The following IQCM variants were observed in gnomAD, a reference collection of about 807,000 sequenced individuals.
The protein encoded by IQCM is IQ domain-containing protein M.
IQCM carries 45 observed loss-of-function variants against 57.6 expected under a neutral mutation model. The observed-to-expected ratio is 0.78, with a 90% CI of 0.62 to 1.00. The LOEUF (loss-of-function observed/expected upper bound fraction) is 1.00. IQCM is among the 50% of genes least tolerant of loss of function. IQCM has a pLI of 0.00. For missense variants in IQCM, 468 were observed against 511.6 expected (o/e 0.91, Z 0.82); for synonymous variants, 148 against 158.9 (o/e 0.93, Z 0.51).
intron 12 of IQCM, among the ~76,000 whole-genome samples, chr4:149,486,772 A>T (rs1741567815): frequency 6.6e-6 from 1 of 152,010 alleles, no homozygotes; most frequent in Non-Finnish European, 1.5e-5. Flanking sequence ...AAAAAGCCCA[A>T]GAGCTCTTTC....
At chr4:149,398,710 A>G (rs1732405415) in intron 13 of IQCM, among the ~76,000 whole-genome samples, 1 of 150,846 alleles carries the variant, frequency 6.6e-6, no homozygotes, top group Admixed American at 6.6e-5. Flanking sequence ...ACTATACTTT[A>G]TTATTATTTT....
At chr4:149,578,994 G>T (rs1421572982) in intron 9 of IQCM, among the ~76,000 whole-genome samples, 1 of 151,786 alleles carries the variant, frequency 6.6e-6, no homozygotes, top group Non-Finnish European at 1.5e-5. Context: ...AAAAGCAATT[G>T]CATATCTGAT....
chr4:149,618,978 T>C (rs1014973454), intron 8 of IQCM, among the ~76,000 whole-genome samples: 1 of 152,002 alleles, frequency 6.6e-6, no homozygotes, highest in Non-Finnish European at 1.5e-5. Context: ...CTACTGGGTA[T>C]TTACCCAAAC....
intron 9 of IQCM, among the ~76,000 whole-genome samples, chr4:149,584,894 T>C (rs1454398675): frequency 6.6e-6 from 1 of 151,776 alleles, no homozygotes; most frequent in East Asian, 1.9e-4. Context: ...GGTGTTCACA[T>C]TAGCAGTCAT....
intron 12 of IQCM, among the ~76,000 whole-genome samples, chr4:149,533,414 T>A (rs1457967134): frequency 1.3e-5 from 2 of 152,156 alleles, no homozygotes; most frequent in East Asian, 3.9e-4. Context: ...TAAAAAGGGA[T>A]CCATAAGTTC....
chr4:149,481,680 T>C (rs548992076), intron 12 of IQCM, among the ~76,000 whole-genome samples: 2 of 148,726 alleles, frequency 1.3e-5, no homozygotes, highest in South Asian at 2.2e-4. Context: ...TGAAGTCATG[T>C]AATGTGATTC....
chr4:149,675,955 G>A (rs1023304440), intron 7 of IQCM, among the ~76,000 whole-genome samples: 8 of 151,954 alleles, frequency 5.3e-5, no homozygotes, highest in African/African-American at 1.7e-4. Flanking sequence ...AGAGGTTTGC[G>A]CCAGGCCACA....
At chr4:149,636,844 C>G (rs1757757432) in intron 7 of IQCM, among the ~76,000 whole-genome samples, 1 of 152,114 alleles carries the variant, frequency 6.6e-6, no homozygotes, top group Admixed American at 6.5e-5. Context: ...ACTAGCAGAA[C>G]TAGAAAGTGA....
At chr4:149,364,870 G>A (rs1449027131) in intron 13 of IQCM, among the ~76,000 whole-genome samples, 1 of 151,982 alleles carries the variant, frequency 6.6e-6, no homozygotes, top group Non-Finnish European at 1.5e-5. Context: ...ACTCAATCAA[G>A]GGCAAGGGGT....
At chr4:149,587,601 T>C (rs913715690) in intron 9 of IQCM, among the ~76,000 whole-genome samples, 3 of 151,956 alleles carry the variant, frequency 2.0e-5, no homozygotes, top group South Asian at 2.1e-4. Flanking sequence ...CTAAAACATA[T>C]GCAGTGTCAT....
chr4:149,510,670 A>G (rs1396587364), intron 12 of IQCM, among the ~76,000 whole-genome samples: 1 of 152,176 alleles, frequency 6.6e-6, no homozygotes, highest in East Asian at 1.9e-4. Context: ...ATAGTCTCTC[A>G]GGCTTTCTTT....
intron 13 of IQCM, among the ~76,000 whole-genome samples, chr4:149,360,432 G>A (rs115817721): frequency 0.011 from 1,730 of 152,160 alleles, 38 homozygotes; most frequent in African/African-American, 0.039. Flanking sequence ...GTTTTGGCAT[G>A]CTCCGGAGGT....
intron 8 of IQCM, among the ~76,000 whole-genome samples, chr4:149,596,237 G>A: frequency 6.6e-6 from 1 of 152,070 alleles, no homozygotes; most frequent in East Asian, 1.9e-4. Context: ...GCTGTTTCTA[G>A]GAATATGTTC....
chr4:149,610,121 T>A (rs1225655664), intron 8 of IQCM, among the ~76,000 whole-genome samples: 2 of 151,764 alleles, frequency 1.3e-5, no homozygotes, highest in African/African-American at 4.8e-5. Context: ...ACAAAGTAAT[T>A]CTATTTATAA....
chr4:149,376,725 C>G lies in IQCM; in HGVS notation c.1391-24659G>C, dbSNP rs139348373. Among the ~76,000 whole-genome samples the G allele has an allele frequency of 8.8e-4, 134 of 152,218 alleles. 2 individuals are homozygous for G. In the East Asian group the frequency reaches 0.022, roughly 25 times the overall value. ...TAAGACAGATAAGAAATGCATTTTT[C>G]TGCAATAAAAAAATTAAACATATTT... On this transcript the variant is annotated intron_variant, in intron 13 of 13. Coordinates refer to ENST00000636793, the MANE Select transcript of IQCM (RefSeq NM_001363507.2).
In IQCM at chr4:149,437,336, T is replaced by C. The variant is rs1579053406; in HGVS notation, c.1229-3779A>G. Among the ~76,000 whole-genome samples the C allele has an allele frequency of 2.0e-5, 3 of 152,226 alleles. No homozygotes were observed. In the South Asian group the frequency reaches 6.2e-4, roughly 32 times the overall value. ...GCTCTTTCCTGGAGGTTTACTGATG[T>C]TAGTCTTCTCCACAAAAATTTATTT... On this transcript the variant is annotated intron_variant, in intron 12 of 13. Coordinates refer to ENST00000636793, the MANE Select transcript of IQCM (RefSeq NM_001363507.2).
intron 3 of IQCM, among the ~76,000 whole-genome samples, chr4:149,735,727 A>G (rs1028416746): frequency 3.3e-5 from 5 of 152,156 alleles, no homozygotes; most frequent in African/African-American, 7.2e-5. Flanking sequence ...AGATATAACA[A>G]CATGTTTTGG....
chr4:149,503,557 C>T (rs1743483114), intron 12 of IQCM, among the ~76,000 whole-genome samples: 1 of 152,046 alleles, frequency 6.6e-6, no homozygotes, highest in Non-Finnish European at 1.5e-5. Flanking sequence ...TTGTAGGAGA[C>T]ATGTAAATGC....
Position 149,433,538 on chromosome 4 carries a change from A to G in IQCM, c.1248T>C (p.Ser416=), listed in dbSNP as rs1359254852. 6.8e-6 allele frequency: 8 copies of G among 1,172,314 alleles called. No individual in the cohort carries two copies. Among genetic ancestry groups the G allele is most frequent in the Non-Finnish European group, 7.5e-6 (7 of 934,076 alleles). The allele number at this position is 1,172,314 out of a possible 1,614,324, so 72.6% of individuals were successfully genotyped here. ...LVHQDGKEKY[S]ELIKKSKAIE... ...TTGCTTTGGACTTTTTGATTAGTTCAGAATATTTTTCTTTGCCATCTATAA... is the reference window on the plus strand; with the variant it reads ...TTGCTTTGGACTTTTTGATTAGTTCGGAATATTTTTCTTTGCCATCTATAA... The change falls in exon 13 of 14, where the codon TCT becomes TCC. Residue 416 remains serine, a synonymous_variant. Transcript: ENST00000636793.
Sources: gnomAD v4.1 joint callset for allele counts (sites outside exome capture counted in the v4.1 genomes callset) on GRCh38, gnomAD v4.1.1 for gene constraint, MANE v1.5 for transcripts, NCBI Gene and HGNC (gene_info 2026-07-23, HGNC 2026-07-21) for gene names.